Variants in FGF13 observed in about 807,000 individuals in gnomAD.
FGF13 encodes the protein fibroblast growth factor 13, also known as fibroblast growth factor homologous factor 2.
Under a neutral mutation model 19.5 loss-of-function variants are expected in FGF13, and 2 were observed. The ratio of observed to expected loss-of-function variants is 0.10; its 90% CI spans 0.04 to 0.32. FGF13 has a LOEUF of 0.32. Ranked by LOEUF, FGF13 falls within the 10% of genes least tolerant of loss-of-function variation. The pLI, the probability that FGF13 is intolerant of heterozygous loss-of-function variation, is 1.00. For missense variants in FGF13, 113 were observed against 192.7 expected, an observed-to-expected ratio of 0.59 and a Z score of 2.45; for synonymous variants, 72 against 76.9, an observed-to-expected ratio of 0.94 and a Z score of 0.33.
At chrX:138,814,397 C>A (rs745343983) in intron 3 of FGF13, among the ~76,000 whole-genome samples, 2 of 109,312 alleles carry the variant, frequency 1.8e-5, no homozygotes, top group African/African-American at 6.6e-5. Context: ...GCAAAAGAAA[C>A]AATGAACAGA....
chrX:138,681,166 CAAA>C (rs759043580), intron 3 of FGF13, among the ~76,000 whole-genome samples: 10 of 40,855 alleles, frequency 2.4e-4, no homozygotes, highest in African/African-American at 3.8e-4. Flanking sequence ...AGAGTGAGAC[CAAA>C]AAAAAAAAAA....
intron 1 of FGF13, among the ~76,000 whole-genome samples, chrX:138,871,723 T>C (rs2091358424): frequency 9.0e-6 from 1 of 111,031 alleles, no homozygotes; most frequent in African/African-American, 3.3e-5. Context: ...CCAGTAGAAG[T>C]ATCAAAAATG....
At chrX:139,204,174 G>C, upstream of FGF13, 8 of 1,045,960 alleles carry the variant, frequency 7.6e-6, no homozygotes, top group Non-Finnish European at 1.1e-5. Context: ...GTCGGACTTG[G>C]GAGAGTGCTT....
At chrX:138,749,708 A>G (rs1258887783) in intron 3 of FGF13, among the ~76,000 whole-genome samples, 1 of 111,870 alleles carries the variant, frequency 8.9e-6, no homozygotes, top group African/African-American at 3.3e-5. Context: ...GGGACAGTCT[A>G]GCACAGTTTA....
At position 138,616,043 on chromosome X, in the gene FGF13, A is replaced by C. The variant is rs2124059592; in HGVS notation, c.*16807T>G. On this transcript the variant is annotated 3_prime_UTR_variant, in exon 5 of 5. Transcript: ENST00000315930. Reference sequence around the variant, plus strand: ...GAGATTTGGGTGGGAACACAAAACCAAACCATATCATTCTGACCCTAGTTC... The same window carrying C: ...GAGATTTGGGTGGGAACACAAAACCCAACCATATCATTCTGACCCTAGTTC... The C allele has an allele frequency of 9.0e-6, 1 of 111,662 alleles. No individual in the cohort carries two copies. The highest frequency in any genetic ancestry group is 3.3e-5 in the African/African-American group (1 of 30,711). 9.2% of individuals were successfully genotyped at this position (111,662 alleles called of 1,213,427 possible).
chrX:138,675,785 T>C (rs1251119688), intron 3 of FGF13, among the ~76,000 whole-genome samples: 1 of 111,619 alleles, frequency 9.0e-6, no homozygotes, highest in Non-Finnish European at 1.9e-5. Flanking sequence ...AAAGGGTCCA[T>C]TCTTCTGCTT....
At chrX:138,805,606 C>G (rs2090860576) in intron 3 of FGF13, among the ~76,000 whole-genome samples, 1 of 111,403 alleles carries the variant, frequency 9.0e-6, no homozygotes, top group Non-Finnish European at 1.9e-5. Flanking sequence ...TTGCATAATT[C>G]AAAAAAGCAT....
chrX:138,747,661 T>A (rs1032053809), intron 3 of FGF13, among the ~76,000 whole-genome samples: 1 of 111,838 alleles, frequency 8.9e-6, no homozygotes, highest in Non-Finnish European at 1.9e-5. Context: ...CACAGGCCTC[T>A]TTAGCCAGGA....
chrX:138,711,872 C>A (rs749232247), upstream of FGF13, among the ~76,000 whole-genome samples: 44 of 105,725 alleles, frequency 4.2e-4, 3 homozygotes, highest in East Asian at 0.014. Context: ...GGGGCTTCCG[C>A]ACTGCCCCAG....
chrX:139,166,719 G>T (rs1194884678), intron 1 of FGF13, among the ~76,000 whole-genome samples: 1 of 111,143 alleles, frequency 9.0e-6, no homozygotes, highest in Non-Finnish European at 1.9e-5. Context: ...CATGCCACTG[G>T]ACTTCCTAGC....
At chrX:139,019,925 T>TG (rs2092170554) in intron 1 of FGF13, among the ~76,000 whole-genome samples, 1 of 108,788 alleles carries the variant, frequency 9.2e-6, no homozygotes, top group Admixed American at 9.8e-5. Context: ...CTCAAAGGTG[T>TG]GAAAAAAAAA....
intron 1 of FGF13, among the ~76,000 whole-genome samples, chrX:138,931,227 T>G (rs1278676554): frequency 9.0e-6 from 1 of 110,937 alleles, no homozygotes; most frequent in Non-Finnish European, 1.9e-5. Context: ...GGTCCTTTAC[T>G]GAAGTGAATA....
intron 3 of FGF13, among the ~76,000 whole-genome samples, chrX:138,754,569 G>C (rs1338354774): frequency 9.0e-6 from 1 of 111,300 alleles, no homozygotes; most frequent in Non-Finnish European, 1.9e-5. Context: ...TGAGACTTCT[G>C]TCCTTAGAAA....
At chrX:138,965,383 G>A (rs188653082) in intron 1 of FGF13, among the ~76,000 whole-genome samples, 52 of 112,427 alleles carry the variant, frequency 4.6e-4, no homozygotes, top group Middle Eastern at 4.6e-3. Flanking sequence ...GCTTAGCACA[G>A]TGCTTGACAC....
At chrX:139,173,203 G>T (rs2084148088) in intron 1 of FGF13, among the ~76,000 whole-genome samples, 1 of 111,171 alleles carries the variant, frequency 9.0e-6, no homozygotes, top group Non-Finnish European at 1.9e-5. Context: ...AATATGGTGT[G>T]CTACAAGAAA....
chrX:139,116,862 T>G (rs2083643233), intron 1 of FGF13, among the ~76,000 whole-genome samples: 1 of 111,298 alleles, frequency 9.0e-6, no homozygotes, highest in Admixed American at 9.6e-5. Flanking sequence ...TGATTACTGA[T>G]GACTATACTT....
chrX:138,693,824 TTG>T (rs1325175552), intron 3 of FGF13, among the ~76,000 whole-genome samples: 2 of 111,822 alleles, frequency 1.8e-5, no homozygotes, highest in Non-Finnish European at 3.8e-5. Flanking sequence ...GTGATGCTGC[TTG>T]TGTTTATTTT....
chrX:139,150,875 C>T (rs1266489931), intron 1 of FGF13, among the ~76,000 whole-genome samples: 2 of 111,439 alleles, frequency 1.8e-5, no homozygotes, highest in African/African-American at 6.5e-5. Context: ...TGCTAGTAGC[C>T]TAGGCCACTT....
chrX:138,922,500 G>A (rs147920551), intron 1 of FGF13, among the ~76,000 whole-genome samples: 1,216 of 111,130 alleles, frequency 0.011, 14 homozygotes, highest in African/African-American at 0.036. Context: ...ATCTTTAGGG[G>A]GGTGATCTAA....
Sources: gnomAD v4.1 joint callset for allele counts (sites outside exome capture counted in the v4.1 genomes callset) on GRCh38, gnomAD v4.1.1 for gene constraint, MANE v1.5 for transcripts, NCBI Gene and HGNC (gene_info 2026-07-23, HGNC 2026-07-21) for gene names.